The following MXD1 variants were observed in gnomAD, a reference collection of about 807,000 sequenced individuals.
The protein encoded by MXD1 is MAX dimerization protein 1.
A neutral mutation model predicts 25.7 loss-of-function variants in MXD1; 9 were observed. The observed-to-expected ratio is 0.35, with a 90% confidence interval of 0.21 to 0.61. The LOEUF is 0.61. Among genes scored for constraint, MXD1 ranks in the 20% least tolerant of loss-of-function variants. MXD1 has a pLI of 0.75. For synonymous variants in MXD1, 99 were observed against 113.9 expected, an observed-to-expected ratio of 0.87 and a Z score of 0.83; for missense variants, 227 against 292.4, an observed-to-expected ratio of 0.78 and a Z score of 1.63.
chr2:69,921,817 G>C (rs1677069211), intron 3 of MXD1, 52 bp downstream of exon 3: 2 of 1,583,720 alleles, frequency 1.3e-6, no homozygotes, highest in Non-Finnish European at 1.7e-6. Flanking sequence ...TGCATTCTCT[G>C]TTCATGCAGT....
In MXD1 at chr2:69,937,465, G is replaced by A. The variant is rs376936129; in HGVS notation, c.478+71G>A. 2.8e-5 allele frequency: 40 copies of A among 1,411,092 alleles called. 1 individual carries two copies. Among genetic ancestry groups the A allele is most frequent in the Middle Eastern group, 2.2e-4 (1 of 4,466 alleles). The allele number at this position is 1,411,092 out of a possible 1,614,324, so 87.4% of individuals were successfully genotyped here. A position where few individuals can be genotyped will look rare whatever the true frequency, so the allele number is the denominator to read the frequency against. On this transcript the variant is annotated intron_variant, in intron 5 of 5. Transcript: ENST00000264444. ...CCCCAGAGCAGGGGTTCAGTACTGC[G>A]GACAGGAGGCAGAGTGTAAGAAGAA...
chr2:69,939,164 A>G lies in MXD1; in HGVS notation c.*880A>G, dbSNP rs558653805. ...TTTTTTCCCCCCCCAAAATAGTGAC[A>G]TTTGGTCCAATTATAATCTATTTTC... On this transcript the variant is annotated 3_prime_UTR_variant, in exon 6 of 6. Transcript: ENST00000264444. 1 of 152,510 alleles carries G rather than the reference A, an allele frequency of 6.6e-6. No individual in the cohort carries two copies. The highest frequency in any genetic ancestry group is 1.5e-5 in the Non-Finnish European group (1 of 67,988). The allele number at this position is 152,510 out of a possible 1,614,324, so 9.4% of individuals were successfully genotyped here.
In MXD1 at chr2:69,915,119, G is replaced by T. The variant is rs1315061739; in HGVS notation, c.-212G>T. 4.9e-6 allele frequency: 2 copies of T among 409,572 alleles called. No homozygotes were observed. The highest frequency in any genetic ancestry group is 3.6e-5 in the East Asian group (1 of 28,094). The allele number at this position is 409,572 out of a possible 1,614,324, so 25.4% of individuals were successfully genotyped here. ...GCGGTGGCGGCTGCTGCTCTGCTCC[G>T]GGTTCTGTCACTGTGTCGGCGGTGC... On this transcript the variant is annotated 5_prime_UTR_variant, in exon 1 of 6. Transcript: ENST00000264444. The surrounding 1 kb of genome is among the most constrained non-coding windows in gnomAD (Gnocchi z 5.8).
chr2:69,937,356 G>T lies in MXD1; in HGVS notation c.440G>T (p.Gly147Val). ...GAGAGGATCCGGATGGACAGCATCG[G>T]CTCCACCGTCTCCTCGGAGCGCTCC... is the stretch of plus-strand genomic sequence containing the variant. The part of the protein sequence containing the change: ...GIERIRMDSI[G>V]STVSSERSDS... Residue 147 changes from glycine (G) to valine (V), a missense_variant, in exon 5 of 6, where the codon GGC (glycine) becomes GTC (valine). Coordinates refer to ENST00000264444, the MANE Select transcript of MXD1 (RefSeq NM_002357.4). 1 of 1,613,754 alleles carries T rather than the reference G, an allele frequency of 6.2e-7. No individual in the cohort carries two copies. The highest frequency in any genetic ancestry group is 8.5e-7 in the Non-Finnish European group (1 of 1,179,858).
chr2:69,927,181 A>G (rs1405805294), intron 3 of MXD1, among the ~76,000 whole-genome samples: 2 of 152,242 alleles, frequency 1.3e-5, no homozygotes, highest in Non-Finnish European at 1.5e-5. Flanking sequence ...ACAGGTCCCT[A>G]TAGTTGTTCC....
chr2:69,937,194 A>G, intron 4 of MXD1, 41 bp from the exon 5 acceptor site: 1 of 1,609,840 alleles, frequency 6.2e-7, no homozygotes, highest in Middle Eastern at 1.7e-4. Context: ...CCATTTAGAG[A>G]TCTCCCTGTG....
chr2:69,923,698 G>A (rs1326226523), intron 3 of MXD1, among the ~76,000 whole-genome samples: 1 of 152,044 alleles, frequency 6.6e-6, no homozygotes, highest in Non-Finnish European at 1.5e-5. Context: ...TTTTAAGTTG[G>A]AGCTTCCTTT....
chr2:69,937,564 A>G (rs1204221687), intron 5 of MXD1, among the ~76,000 whole-genome samples, 170 bp downstream of exon 5: 1 of 152,118 alleles, frequency 6.6e-6, no homozygotes, highest in Non-Finnish European at 1.5e-5. Flanking sequence ...CCCTGCTAAC[A>G]CTTAGGTGAC....
intron 3 of MXD1, among the ~76,000 whole-genome samples, chr2:69,932,224 A>ATGTGTGTC (rs1049486066): frequency 6.6e-6 from 1 of 151,900 alleles, no homozygotes; most frequent in African/African-American, 2.4e-5. Context: ...GTGTGTCTGT[A>ATGTGTGTC]TGTGTGTCTG....
intron 3 of MXD1, among the ~76,000 whole-genome samples, chr2:69,926,792 C>A (rs192937983): frequency 2.0e-5 from 3 of 152,316 alleles, no homozygotes; most frequent in East Asian, 3.9e-4. Context: ...TAAAACAAAG[C>A]CTTTCAATGA....
intron 3 of MXD1, among the ~76,000 whole-genome samples, chr2:69,924,193 G>T (rs578045032): frequency 6.6e-6 from 1 of 152,328 alleles, no homozygotes; most frequent in South Asian, 2.1e-4. Flanking sequence ...GACAGTTTCA[G>T]TTAATATACT....
intron 2 of MXD1, among the ~76,000 whole-genome samples, chr2:69,919,582 T>C (rs1243059024): frequency 6.6e-6 from 1 of 152,106 alleles, no homozygotes; most frequent in Non-Finnish European, 1.5e-5. Flanking sequence ...TGACCTCAAG[T>C]GATCCACCCA....
In MXD1 at chr2:69,918,845, A is replaced by C. The variant is rs1677007492; in HGVS notation, c.173+2625A>C. ...ACACAAGGTATCAGTGTGTTCTTAC[A>C]GTGCTTTAATTAAAAACGTAAATGT... On this transcript the variant is annotated intron_variant, in intron 2 of 5. Transcript: ENST00000264444. Among the ~76,000 whole-genome samples the C allele has an allele frequency of 2.6e-5, 4 of 152,322 alleles. No individual in the cohort carries two copies. The South Asian group carries it at 8.3e-4, about 32-fold the overall frequency.
rs1250546557 is a variant in MXD1 at position 69,926,455 on chromosome 2, A to G, written c.203+4690A>G. ...TGGGGAGTTTAAAAATTGACATTGC[A>G]TAATTCCAATATAAATTAACCTTTA... On this transcript the variant is annotated intron_variant, in intron 3 of 5. Transcript: ENST00000264444. Among the ~76,000 whole-genome samples, 7 of 152,254 alleles carry G rather than the reference A, an allele frequency of 4.6e-5. No homozygotes were observed. In the East Asian group the frequency reaches 7.7e-4, roughly 17 times the overall value.
In MXD1 at chr2:69,937,392, G is replaced by A; in HGVS notation, c.476G>A (p.Arg159Lys). The A allele has an allele frequency of 6.2e-7, 1 of 1,602,246 alleles. No homozygotes were observed. Among genetic ancestry groups the A allele is most frequent in the South Asian group, 1.1e-5 (1 of 89,954 alleles). The change falls in exon 5 of 6, where the codon AGG becomes AAG. Residue 159 changes from arginine to lysine, a missense_variant and splice_region_variant. Coordinates refer to ENST00000264444, the MANE Select transcript of MXD1 (RefSeq NM_002357.4). ...TCCTCGGAGCGCTCCGACTCCGACA[G>A]GGGTGAGCCTCTCTCACTCTCCTCC... ...TVSSERSDSD[R>K]EEIDVDVEST...
chr2:69,922,652 G>A (rs1191023044), intron 3 of MXD1, among the ~76,000 whole-genome samples: 1 of 151,974 alleles, frequency 6.6e-6, no homozygotes, highest in Non-Finnish European at 1.5e-5. Flanking sequence ...GGCCAAAGTG[G>A]GTGGATCACC....
chr2:69,927,323 C>G (rs755985979), intron 3 of MXD1, among the ~76,000 whole-genome samples: 4 of 152,156 alleles, frequency 2.6e-5, no homozygotes, highest in Non-Finnish European at 5.9e-5. Context: ...TGACCACATT[C>G]AGATTTCACT....
chr2:69,931,275 CT>C (rs1410608805), intron 3 of MXD1, among the ~76,000 whole-genome samples: 1 of 152,106 alleles, frequency 6.6e-6, no homozygotes, highest in African/African-American at 2.4e-5. Flanking sequence ...GTTATCCATT[CT>C]TTTAAGCTAT....
intron 2 of MXD1, 28 bp downstream of exon 2, chr2:69,916,248 T>C: frequency 7.4e-7 from 1 of 1,347,976 alleles, no homozygotes; most frequent in Non-Finnish European, 1.1e-6. Flanking sequence ...TCTTTCTGTC[T>C]TTTAGATTAT....
Sources: allele counts gnomAD v4.1 joint callset (sites outside exome capture counted in the v4.1 genomes callset), GRCh38; gene constraint gnomAD v4.1.1; non-coding constraint Gnocchi (gnomAD v3.1); transcripts MANE v1.5; gene names NCBI Gene and HGNC (gene_info 2026-07-23, HGNC 2026-07-21).